FRMD4B: variants seen among roughly 807,000 people sequenced by gnomAD.
FRMD4B encodes FERM domain containing 4B, also known as FERM domain-containing protein 4B.
FRMD4B carries 74 observed loss-of-function variants against 141.5 expected under a neutral mutation model. The ratio of observed to expected loss-of-function variants is 0.52; its 90% confidence interval spans 0.43 to 0.63. The LOEUF (loss-of-function observed/expected upper bound fraction) is 0.63. FRMD4B is among the 30% of genes least tolerant of loss of function. The pLI, the probability that FRMD4B is intolerant of heterozygous loss-of-function variation, is 0.00. For synonymous variants in FRMD4B, 506 were observed against 467.9 expected, an observed-to-expected ratio of 1.08 and a Z score of -1.05; for missense variants, 1,366 against 1,253.4, an observed-to-expected ratio of 1.09 and a Z score of -1.36.
chr3:69,241,241 G>A (rs1253640056), intron 7 of FRMD4B, among the ~76,000 whole-genome samples: 1 of 152,298 alleles, frequency 6.6e-6, no homozygotes, highest in Non-Finnish European at 1.5e-5. Flanking sequence ...TACTTAAGCT[G>A]TGAAATGCAG....
intron 7 of FRMD4B, among the ~76,000 whole-genome samples, chr3:69,229,514 T>G (rs2093285812): frequency 6.6e-6 from 1 of 152,160 alleles, no homozygotes; most frequent in Non-Finnish European, 1.5e-5. Flanking sequence ...ATATTTGAAG[T>G]GGTTGAGCTG....
At chr3:69,458,849 T>TA (rs35229515) in intron 1 of FRMD4B, among the ~76,000 whole-genome samples, 22,717 of 81,810 alleles carry the variant, frequency 0.28, 3,219 homozygotes, top group Non-Finnish European at 0.31. Context: ...ATGGGCTGCT[T>TA]AAAAAAAAAA....
intron 1 of FRMD4B, among the ~76,000 whole-genome samples, chr3:69,339,019 C>T (rs545823876): frequency 2.6e-5 from 4 of 152,192 alleles, no homozygotes; most frequent in African/African-American, 9.6e-5. Context: ...CTTTACGCAT[C>T]CCCCGCCATT....
rs2092592735 is a variant in FRMD4B, at chr3:69,171,998, G to A, written c.2985-17C>T. 12 of 1,611,790 alleles carry A rather than the reference G, an allele frequency of 7.4e-6. No individual in the cohort carries two copies. The highest frequency in any genetic ancestry group is 9.3e-6 in the Non-Finnish European group (11 of 1,178,276). ...GTGTATTGTCTATTAAAGAAAACCA[G>A]AAAAGTTACTACTTGTGGCCATATT... On this transcript the variant is annotated splice_polypyrimidine_tract_variant and intron_variant, in intron 22 of 22. Transcript: ENST00000398540.
At chr3:69,472,239 G>T in intron 1 of FRMD4B, 1 of 316,830 alleles carries the variant, frequency 3.2e-6, no homozygotes, top group South Asian at 3.6e-5. Flanking sequence ...GAGAGACTGT[G>T]AGTTCAGCAT....
chr3:69,321,559 G>A (rs1701998904), intron 1 of FRMD4B, among the ~76,000 whole-genome samples: 1 of 152,174 alleles, frequency 6.6e-6, no homozygotes, highest in African/African-American at 2.4e-5. Flanking sequence ...GTCCAAAACT[G>A]TCTAAGAGCT....
At chr3:69,315,988 C>T (rs1422240383) in intron 1 of FRMD4B, among the ~76,000 whole-genome samples, 2 of 152,206 alleles carry the variant, frequency 1.3e-5, no homozygotes, top group East Asian at 3.8e-4. Context: ...CTGAGCGGCA[C>T]AGTTACCTTC....
intron 2 of FRMD4B, among the ~76,000 whole-genome samples, chr3:69,431,605 A>G (rs1331572102): frequency 6.6e-6 from 1 of 152,204 alleles, no homozygotes; most frequent in Non-Finnish European, 1.5e-5. Flanking sequence ...TCATCTACTG[A>G]GCAACTCTAT....
At chr3:69,480,257 C>T (rs1243700071) in intron 1 of FRMD4B, among the ~76,000 whole-genome samples, 1 of 152,242 alleles carries the variant, frequency 6.6e-6, no homozygotes, top group African/African-American at 2.4e-5. Flanking sequence ...TGAGGAACTG[C>T]ATTCCTTTGG....
rs534179756 is a variant in FRMD4B, at chr3:69,469,766, T to C, written c.-128-37005A>G. ...ACAGTATTCTACAGCCCAGCTGAAATGGCTGTTGATAAAGGTTTTATATAG... is the reference window on the plus strand; with the variant it reads ...ACAGTATTCTACAGCCCAGCTGAAACGGCTGTTGATAAAGGTTTTATATAG... On this transcript the variant is annotated intron_variant, in intron 1 of 5. Coordinates refer to the FRMD4B transcript ENST00000459638. Among the ~76,000 whole-genome samples, 4 of 152,316 alleles carry C rather than the reference T, an allele frequency of 2.6e-5. No homozygotes were observed. In the South Asian group the frequency reaches 8.3e-4, roughly 32 times the overall value.
intron 7 of FRMD4B, among the ~76,000 whole-genome samples, chr3:69,244,531 G>A (rs999989842): frequency 2.0e-5 from 3 of 152,140 alleles, no homozygotes; most frequent in African/African-American, 7.2e-5. Flanking sequence ...TGCTTGGGAG[G>A]TTGAAGCAGG....
chr3:69,486,321 C>A (rs900260186), intron 1 of FRMD4B, among the ~76,000 whole-genome samples: 2 of 152,096 alleles, frequency 1.3e-5, no homozygotes, highest in East Asian at 3.8e-4. Context: ...ATGCATCAAC[C>A]GAGCAGTATA....
rs756984749 is a variant in FRMD4B at position 69,322,947 on chromosome 3, TCATACAGTGA to T, written c.163-9440_163-9431del. ...TGCACAGAGGTTAAGTGGTGCCTGG[TCATACAGTGA>T]TAAAGTTGGGTAGAATCTCAGGTTC... On this transcript the variant is annotated intron_variant, in intron 1 of 22. Coordinates refer to ENST00000398540, the MANE Select transcript of FRMD4B (RefSeq NM_015123.3). 8.7e-6 allele frequency: 5 copies of T among 571,984 alleles called. No individual in the cohort carries two copies. In the Admixed American group the frequency reaches 1.9e-4, roughly 22 times the overall value. 35.4% of individuals were successfully genotyped at this position (571,984 alleles called of 1,614,324 possible). A position where few individuals can be genotyped will look rare whatever the true frequency, so the allele number is the denominator to read the frequency against.
intron 3 of FRMD4B, chr3:69,306,749 A>G (rs778180313): frequency 6.6e-6 from 1 of 152,140 alleles, no homozygotes; most frequent in Non-Finnish European, 1.5e-5. Flanking sequence ...GACAGTAGCT[A>G]CTTTCATTGA....
chr3:69,454,813 G>A (rs938334748), intron 1 of FRMD4B, among the ~76,000 whole-genome samples: 6 of 152,252 alleles, frequency 3.9e-5, no homozygotes, highest in African/African-American at 1.4e-4. Flanking sequence ...GAGGAGGGCA[G>A]GCGCACCATG....
chr3:69,213,159 ACACTGTATATATTAGATTT>A (rs1222245489), intron 11 of FRMD4B, among the ~76,000 whole-genome samples: 4 of 152,202 alleles, frequency 2.6e-5, no homozygotes, highest in Non-Finnish European at 4.4e-5. Flanking sequence ...AAGGTATGAA[ACACTGTATATATTAGATTT>A]CTCTGTCTTT....
Position 69,514,470 on chromosome 3 carries a change from A to G in FRMD4B, c.-129+27736T>C, listed in dbSNP as rs9837723. On this transcript the variant is annotated intron_variant, in intron 1 of 5. Coordinates refer to the FRMD4B transcript ENST00000459638. ...TTTGGGAGGCCAAGGCAGGTAGAAC[A>G]CTTGAGGTCAAGATTTCAAGACCAG... Among the ~76,000 whole-genome samples, 455 of 152,234 alleles carry G rather than the reference A, an allele frequency of 3.0e-3. 3 individuals carry two copies. Among genetic ancestry groups the G allele is most frequent in the African/African-American group, 0.011 (437 of 41,566 alleles).
intron 1 of FRMD4B, among the ~76,000 whole-genome samples, chr3:69,484,134 A>C (rs1467233978): frequency 1.3e-5 from 2 of 152,332 alleles, no homozygotes; most frequent in Non-Finnish European, 2.9e-5. Context: ...TGTTTTGAGC[A>C]AGGGATGGGA....
intron 1 of FRMD4B, among the ~76,000 whole-genome samples, chr3:69,461,648 A>AG (rs1705709769): frequency 6.7e-6 from 1 of 150,042 alleles, no homozygotes; most frequent in South Asian, 2.1e-4. Flanking sequence ...AAAAAAAAAA[A>AG]GAAACAGATC....
Sources: allele counts gnomAD v4.1 joint callset (sites outside exome capture counted in the v4.1 genomes callset), GRCh38; gene constraint gnomAD v4.1.1; transcripts MANE v1.5; gene names NCBI Gene and HGNC (gene_info 2026-07-23, HGNC 2026-07-21).